Variants in PDE1C observed in about 807,000 individuals in gnomAD.
PDE1C encodes the protein phosphodiesterase 1C, also known as dual specificity calcium/calmodulin-dependent 3',5'-cyclic nucleotide phosphodiesterase 1C.
PDE1C carries 62 observed loss-of-function variants against 93.1 expected under a neutral mutation model. The observed-to-expected ratio is 0.67, with a 90% CI of 0.54 to 0.82. The LOEUF is 0.82. Among genes scored for constraint, PDE1C ranks in the 40% least tolerant of loss-of-function variants. The pLI, the probability that PDE1C is intolerant of heterozygous loss-of-function variation, is 0.00. For synonymous variants in PDE1C, 325 were observed against 310.1 expected (o/e 1.05, Z -0.50); for missense variants, 742 against 884.6 (o/e 0.84, Z 2.04).
At chr7:31,733,252 A>G in the PDE1C span, among the ~76,000 whole-genome samples, 1 of 152,182 alleles carries the variant, frequency 6.6e-6, no homozygotes, top group East Asian at 1.9e-4. Context: ...AGGTGGTGGC[A>G]TTGGGCAGGG....
upstream of PDE1C, among the ~76,000 whole-genome samples, chr7:32,072,339 C>T (rs1366212759): frequency 1.3e-5 from 2 of 152,138 alleles, no homozygotes; most frequent in Non-Finnish European, 2.9e-5. Context: ...TTTATGGAGG[C>T]GCATATATTT....
chr7:31,875,793 C>CTATATGTATATATATATA (rs1796477172), intron 5 of PDE1C, among the ~76,000 whole-genome samples: 1 of 43,082 alleles, frequency 2.3e-5, no homozygotes, highest in Non-Finnish European at 5.9e-5. Flanking sequence ...AAGCTTACAT[C>CTATATGTATATATATATA]TATATATATA....
chr7:32,018,923 A>G (rs1374931319), intron 2 of PDE1C, among the ~76,000 whole-genome samples: 1 of 152,042 alleles, frequency 6.6e-6, no homozygotes, highest in East Asian at 1.9e-4. Flanking sequence ...AGCAGTTTAT[A>G]GTGGTAGTAG....
intron 2 of PDE1C, among the ~76,000 whole-genome samples, chr7:32,190,438 T>C (rs1196401527): frequency 6.6e-6 from 1 of 152,230 alleles, no homozygotes; most frequent in Admixed American, 6.5e-5. Flanking sequence ...TGGCACACTA[T>C]TGAGTTGGTG....
At chr7:31,989,958 G>A (rs1482627987) in intron 2 of PDE1C, among the ~76,000 whole-genome samples, 7 of 152,182 alleles carry the variant, frequency 4.6e-5, no homozygotes, top group South Asian at 2.1e-4. Context: ...GCACTGTGCC[G>A]GGCACAGGGA....
intron 2 of PDE1C, among the ~76,000 whole-genome samples, chr7:32,035,435 T>TAAA (rs2128645785): frequency 6.6e-6 from 1 of 152,324 alleles, no homozygotes; most frequent in African/African-American, 2.4e-5. Flanking sequence ...AACCTGTCTT[T>TAAA]GACTATTGAG....
At chr7:32,082,452 A>T in intron 3 of PDE1C, among the ~76,000 whole-genome samples, 1 of 152,266 alleles carries the variant, frequency 6.6e-6, no homozygotes, top group Non-Finnish European at 1.5e-5. Context: ...ACAAACAAAA[A>T]GACAGCAGTA....
chr7:32,350,060 C>G (rs1462710694), intron 1 of PDE1C, among the ~76,000 whole-genome samples: 1 of 152,144 alleles, frequency 6.6e-6, no homozygotes, highest in East Asian at 1.9e-4. Context: ...TGTGGCATTC[C>G]TTTGTATTGT....
chr7:31,940,436 A>G (rs187698092), intron 2 of PDE1C, among the ~76,000 whole-genome samples: 165 of 152,312 alleles, frequency 1.1e-3, no homozygotes, highest in African/African-American at 3.8e-3. Flanking sequence ...AGAGTTCATG[A>G]TTCATCCTCT....
At chr7:32,167,219 G>A (rs1268406748) in intron 3 of PDE1C, among the ~76,000 whole-genome samples, 1 of 152,138 alleles carries the variant, frequency 6.6e-6, no homozygotes, top group Non-Finnish European at 1.5e-5. Flanking sequence ...CTACTTAAAT[G>A]AAAATACTAA....
At chr7:31,736,063 T>A in the PDE1C span, among the ~76,000 whole-genome samples, 2 of 152,172 alleles carry the variant, frequency 1.3e-5, no homozygotes, top group Non-Finnish European at 2.9e-5. Flanking sequence ...TTTCCCCAAA[T>A]ATTCTCAATC....
chr7:32,280,724 G>T (rs929466244), intron 1 of PDE1C, among the ~76,000 whole-genome samples: 3 of 152,154 alleles, frequency 2.0e-5, no homozygotes, highest in Non-Finnish European at 4.4e-5. Flanking sequence ...AGCAAAAATA[G>T]CCTGGGCGAA....
chr7:31,798,387 T>C (rs1288565408), intron 16 of PDE1C, among the ~76,000 whole-genome samples: 1 of 151,704 alleles, frequency 6.6e-6, no homozygotes, highest in Non-Finnish European at 1.5e-5. Flanking sequence ...AGCTCCCAGA[T>C]GAAGGAATTT....
intron 2 of PDE1C, among the ~76,000 whole-genome samples, chr7:31,929,426 G>A (rs1029700811): frequency 6.6e-6 from 1 of 152,090 alleles, no homozygotes; most frequent in Non-Finnish European, 1.5e-5. Flanking sequence ...CTCAGCTCTG[G>A]ACCAAGCAGA....
chr7:32,023,413 C>T (rs1041926111), intron 2 of PDE1C, among the ~76,000 whole-genome samples: 7 of 152,094 alleles, frequency 4.6e-5, no homozygotes, highest in South Asian at 2.1e-4. Flanking sequence ...CATACTTAAG[C>T]GCAAATGAAT....
intron 1 of PDE1C, among the ~76,000 whole-genome samples, chr7:32,267,029 G>A (rs1385915623): frequency 6.6e-6 from 1 of 152,246 alleles, no homozygotes; most frequent in Non-Finnish European, 1.5e-5. Flanking sequence ...AAAGTCAGCA[G>A]TCAGAGGAGT....
At chr7:32,377,433 A>G (rs566349936) in intron 1 of PDE1C, among the ~76,000 whole-genome samples, 1 of 152,360 alleles carries the variant, frequency 6.6e-6, no homozygotes, top group East Asian at 1.9e-4. Context: ...ATTTTTAAGT[A>G]GCGTATGGTT....
At chr7:31,794,683 T>C (rs116458349) in intron 16 of PDE1C, among the ~76,000 whole-genome samples, 86 of 152,084 alleles carry the variant, frequency 5.7e-4, no homozygotes, top group African/African-American at 1.9e-3. Flanking sequence ...CAGTAACTCC[T>C]ACAACTCCTC....
At chr7:31,669,857 A>G in the PDE1C span, among the ~76,000 whole-genome samples, 1 of 152,218 alleles carries the variant, frequency 6.6e-6, no homozygotes, top group South Asian at 2.1e-4. Flanking sequence ...ATTTAAAAGT[A>G]AAAAAGGACA....
Sources: allele counts gnomAD v4.1 joint callset (sites outside exome capture counted in the v4.1 genomes callset), GRCh38; gene constraint gnomAD v4.1.1; transcripts MANE v1.5; gene names NCBI Gene and HGNC (gene_info 2026-07-23, HGNC 2026-07-21).